PGS1: variants seen among roughly 807,000 people sequenced by gnomAD.
PGS1 encodes the protein phosphatidylglycerophosphate synthase 1.
PGS1 carries 44 observed loss-of-function variants against 58.3 expected under a neutral mutation model. The ratio of observed to expected loss-of-function variants is 0.75; its 90% CI spans 0.59 to 0.97. The LOEUF (loss-of-function observed/expected upper bound fraction) is 0.97. Ranked by LOEUF, PGS1 falls within the 50% of genes least tolerant of loss-of-function variation. The pLI is 0.00. For synonymous variants in PGS1, 330 were observed against 311.0 expected, an observed-to-expected ratio of 1.06 and a Z score of -0.64; for missense variants, 684 against 731.1, an observed-to-expected ratio of 0.94 and a Z score of 0.74.
chr17:78,402,020 A>G (rs8071889), intron 6 of PGS1, among the ~76,000 whole-genome samples: 93,401 of 151,976 alleles, frequency 0.61, 28,793 homozygotes, highest in Admixed American at 0.65. Flanking sequence ...GCTTGGGAGA[A>G]TGAGTCCACA....
chr17:78,398,445 T>A (rs3817295), intron 4 of PGS1, 94 bp downstream of exon 4: 520,318 of 851,514 alleles, frequency 0.61, 160,087 homozygotes, highest in Middle Eastern at 0.67. Flanking sequence ...CCAGGCAGAG[T>A]CAAGGCTATT....
rs573542564 is a variant in PGS1, at chr17:78,419,923, C to G, written c.*10+248C>G. The G allele has an allele frequency of 3.3e-6, 4 of 1,229,964 alleles. No homozygotes were observed. The African/African-American group carries it at 6.2e-5, about 19-fold the overall frequency. The allele number at this position is 1,229,964 out of a possible 1,614,324, so 76.2% of individuals were successfully genotyped here. A position where few individuals can be genotyped will look rare whatever the true frequency, so the allele number is the denominator to read the frequency against. On this transcript the variant is annotated intron_variant, in intron 9 of 9. Coordinates refer to ENST00000262764, the MANE Select transcript of PGS1 (RefSeq NM_024419.5). ...AGTCCCAAGGCGCCTGTGCTGGGGT[C>G]GGCAGTGGCAGCCTGTAGTCCCCTT...
At chr17:78,396,233 A>G in intron 2 of PGS1, 75 bp from the exon 3 acceptor site, 2 of 1,119,288 alleles carry the variant, frequency 1.8e-6, no homozygotes, top group Non-Finnish European at 2.7e-6. Context: ...TTTGCCTCCC[A>G]GGTCAAAGGG....
Position 78,398,078 on chromosome 17 carries a change from A to G in PGS1, c.412-174A>G, listed in dbSNP as rs16971108. On this transcript the variant is annotated intron_variant, in intron 3 of 9. Coordinates refer to ENST00000262764, the MANE Select transcript of PGS1 (RefSeq NM_024419.5). ...CCCCTGGGTGCTTCTTCTGATGATCATGAAGGTGCTCTCAGACAGATAGCT... is the reference window on the plus strand; with the variant it reads ...CCCCTGGGTGCTTCTTCTGATGATCGTGAAGGTGCTCTCAGACAGATAGCT... The G allele has an allele frequency of 0.011, 7,507 of 690,030 alleles. 364 individuals are homozygous for G. In the African/African-American group the frequency reaches 0.11, roughly 10 times the overall value. 42.7% of individuals were successfully genotyped at this position (690,030 alleles called of 1,614,324 possible). A position where few individuals can be genotyped will look rare whatever the true frequency, so the allele number is the denominator to read the frequency against.
chr17:78,405,102 A>G (rs2084014221), intron 7 of PGS1, among the ~76,000 whole-genome samples: 1 of 151,824 alleles, frequency 6.6e-6, no homozygotes, highest in Admixed American at 6.6e-5. Flanking sequence ...GGTTCAAATG[A>G]TTCTTGTGCC....
rs562533712 is a variant in PGS1, at chr17:78,424,518, A to G, written c.*468A>G. The G allele has an allele frequency of 3.0e-4, 76 of 257,220 alleles. No homozygotes were observed. The highest frequency in any genetic ancestry group is 1.6e-3 in the African/African-American group (74 of 46,138). 15.9% of individuals were successfully genotyped at this position (257,220 alleles called of 1,614,324 possible). On this transcript the variant is annotated 3_prime_UTR_variant, in exon 10 of 10. Transcript: ENST00000262764. ...ATTCTTAATGTGTAATGTCTGCCCT[A>G]TGTGTACATACACAATATAATTATA...
At chr17:78,389,446 A>G (rs1175850609) in intron 1 of PGS1, among the ~76,000 whole-genome samples, 1 of 151,282 alleles carries the variant, frequency 6.6e-6, no homozygotes. Context: ...TGGCCTCCCA[A>G]AGTGCTGAGA....
intron 3 of PGS1, among the ~76,000 whole-genome samples, chr17:78,397,208 G>A (rs2083287824): frequency 1.5e-5 from 2 of 129,186 alleles, no homozygotes; most frequent in South Asian, 5.2e-4. Flanking sequence ...GGGATCTGAG[G>A]CTCAGCTGAA....
rs1035829768 is a variant in PGS1 at position 78,390,323 on chromosome 17, G to A, written c.144-2153G>A. 1.2e-3 allele frequency among the ~76,000 whole-genome samples: 98 copies of A among 84,634 alleles called. 2 individuals are homozygous for A. The highest frequency in any genetic ancestry group is 4.7e-3 in the African/African-American group (94 of 19,790). The allele number at this position is 84,634 out of a possible 152,430, so 55.5% of individuals were successfully genotyped here. The stretch of plus-strand genomic sequence containing the variant: ...TGTCATCACCCCCTCTAGAGACGGG[G>A]GTGGGGGAGGAACAGCTGTTTCCCA... On this transcript the variant is annotated intron_variant, in intron 1 of 9. Coordinates refer to ENST00000262764, the MANE Select transcript of PGS1 (RefSeq NM_024419.5).
At chr17:78,415,614 A>G (rs1042344887) in intron 8 of PGS1, among the ~76,000 whole-genome samples, 2 of 152,250 alleles carry the variant, frequency 1.3e-5, no homozygotes, top group Admixed American at 6.5e-5. Flanking sequence ...CCTGGGCAAC[A>G]AGAGCGAAAC....
chr17:78,419,908 C>T (rs960647643), intron 9 of PGS1: 12 of 1,259,260 alleles, frequency 9.5e-6, no homozygotes, highest in East Asian at 8.4e-5. Context: ...AGTCCCAAGG[C>T]GCCTGTGCTG....
Position 78,389,474 on chromosome 17 carries a change from C to T in PGS1, c.144-3002C>T, listed in dbSNP as rs150463295. On this transcript the variant is annotated intron_variant, in intron 1 of 9. Coordinates refer to ENST00000262764, the MANE Select transcript of PGS1 (RefSeq NM_024419.5). ...TGCTGAGATTACAAGCATGAGCCAC[C>T]ATGCCCGGCCCAATTTTTGTATTTT... Among the ~76,000 whole-genome samples the T allele has an allele frequency of 6.6e-3, 1,005 of 151,456 alleles. 13 individuals carry two copies. The highest frequency in any genetic ancestry group is 0.023 in the African/African-American group (958 of 41,306).
intron 1 of PGS1, among the ~76,000 whole-genome samples, chr17:78,386,154 G>C (rs926032914): frequency 6.6e-6 from 1 of 152,228 alleles, no homozygotes; most frequent in Non-Finnish European, 1.5e-5. Context: ...TTCCTGGGGT[G>C]GTGGCTGGAG....
At chr17:78,396,120 A>G (rs1398038138) in intron 2 of PGS1, among the ~76,000 whole-genome samples, 188 bp from the exon 3 acceptor site, 1 of 152,116 alleles carries the variant, frequency 6.6e-6, no homozygotes, top group Non-Finnish European at 1.5e-5. Flanking sequence ...GAGTATTTTC[A>G]TTTAGGATTG....
At chr17:78,420,142 G>C (rs1020590588) in intron 9 of PGS1, 1 of 1,015,946 alleles carries the variant, frequency 9.8e-7, no homozygotes, top group Non-Finnish European at 1.2e-6. Context: ...TGCACAGGGT[G>C]GGGCGTCGGT....
intron 9 of PGS1, chr17:78,421,463 T>G (rs909763523): frequency 6.6e-6 from 1 of 152,326 alleles, no homozygotes; most frequent in African/African-American, 2.4e-5. Context: ...ACAAGGACAG[T>G]TGCAGCTTCC....
At position 78,424,643 on chromosome 17, in the gene PGS1, C is replaced by G. The variant is rs1052425300; in HGVS notation, c.*593C>G. Reference sequence around the variant, plus strand: ...TTCCTGTCTGAAATCTCAAAATAAACAAACATGGAGAGCTTATCTTTGGTT... The same window carrying G: ...TTCCTGTCTGAAATCTCAAAATAAAGAAACATGGAGAGCTTATCTTTGGTT... On this transcript the variant is annotated 3_prime_UTR_variant, in exon 10 of 10. Transcript: ENST00000262764. 1 of 155,756 alleles carries G rather than the reference C, an allele frequency of 6.4e-6. No homozygotes were observed. The highest frequency in any genetic ancestry group is 2.4e-5 in the African/African-American group (1 of 41,448). 9.6% of individuals were successfully genotyped at this position (155,756 alleles called of 1,614,324 possible).
At chr17:78,385,500 A>G (rs1198498206) in intron 1 of PGS1, among the ~76,000 whole-genome samples, 1 of 152,196 alleles carries the variant, frequency 6.6e-6, no homozygotes, top group Non-Finnish European at 1.5e-5. Flanking sequence ...CATGTTAGCC[A>G]GGATGGTCTC....
intron 2 of PGS1, among the ~76,000 whole-genome samples, chr17:78,394,107 G>A (rs1436155578): frequency 2.7e-5 from 4 of 148,118 alleles, no homozygotes; most frequent in Non-Finnish European, 5.9e-5. Flanking sequence ...GGGAGGTGGA[G>A]GTTGCAGTAA....
Sources: allele counts gnomAD v4.1 joint callset (sites outside exome capture counted in the v4.1 genomes callset), GRCh38; gene constraint gnomAD v4.1.1; transcripts MANE v1.5; gene names NCBI Gene and HGNC (gene_info 2026-07-23, HGNC 2026-07-21).